PIGF: variants seen among roughly 807,000 people sequenced by gnomAD.
The protein encoded by PIGF is phosphatidylinositol glycan anchor biosynthesis class F, also known as GPI ethanolamine phosphate transferase, stabilizing subunit.
Under a neutral mutation model 26.0 loss-of-function variants are expected in PIGF, and 23 were observed. The observed-to-expected ratio is 0.88, with a 90% confidence interval of 0.64 to 1.25. PIGF has a LOEUF of 1.25. Ranked by LOEUF, PIGF falls within the 50% of genes most tolerant of loss-of-function variation. The probability of loss-of-function intolerance (pLI) is 0.00; values close to 1 mark genes in which losing one functional copy is unlikely to be tolerated. For missense variants in PIGF, 278 were observed against 249.9 expected (o/e 1.11, Z -0.76); for synonymous variants, 93 against 92.6 (o/e 1.00, Z -0.03).
Position 46,581,352 on chromosome 2 carries a change from A to ACAAT in PIGF, c.*122_*125dup. ...CAGGGGTTTCATAGTTTAAAAAGCT[A>ACAAT]CAATCACATCATGTTGTAACTACGT... is the stretch of plus-strand genomic sequence containing the variant. On this transcript the variant is annotated 3_prime_UTR_variant, in exon 6 of 6. Coordinates refer to ENST00000281382, the MANE Select transcript of PIGF (RefSeq NM_002643.4). The ACAAT allele has an allele frequency of 7.1e-7, 1 of 1,411,304 alleles. No individual in the cohort carries two copies. The highest frequency in any genetic ancestry group is 9.5e-7 in the Non-Finnish European group (1 of 1,056,920). The allele number at this position is 1,411,304 out of a possible 1,614,324, so 87.4% of individuals were successfully genotyped here.
Position 46,614,919 on chromosome 2 carries a change from T to C in PIGF, c.228+18A>G, listed in dbSNP as rs1670558705. 8.6e-7 allele frequency: 1 copy of C among 1,158,926 alleles called. No individual in the cohort carries two copies. The highest frequency in any genetic ancestry group is 1.3e-6 in the Non-Finnish European group (1 of 770,188). The allele number at this position is 1,158,926 out of a possible 1,614,324, so 71.8% of individuals were successfully genotyped here. A position where few individuals can be genotyped will look rare whatever the true frequency, so the allele number is the denominator to read the frequency against. ...ACTAGCTCCATCCAAAAATCAGTTA[T>C]TGAGACATAAGCCTTACCTTGTGTG... On this transcript the variant is annotated intron_variant, in intron 2 of 5. Coordinates refer to ENST00000281382, the MANE Select transcript of PIGF (RefSeq NM_002643.4).
intron 5 of PIGF, among the ~76,000 whole-genome samples, chr2:46,585,996 G>A (rs570310199): frequency 2.0e-5 from 3 of 152,066 alleles, no homozygotes; most frequent in Non-Finnish European, 4.4e-5. Context: ...GGATGGTCTC[G>A]ATCTCCTGAC....
At position 46,593,051 on chromosome 2, in the gene PIGF, C is replaced by A. The variant is rs2104081332; in HGVS notation, c.438-468G>T. 2.0e-5 allele frequency among the ~76,000 whole-genome samples: 3 copies of A among 152,036 alleles called. 1 individual carries two copies. In the South Asian group the frequency reaches 6.2e-4, roughly 32 times the overall value. On this transcript the variant is annotated intron_variant, in intron 4 of 5. Coordinates refer to ENST00000281382, the MANE Select transcript of PIGF (RefSeq NM_002643.4). ...AACTCAGATGCATCATGTTATAAAC[C>A]AAGTTTTGCTTGTTTTTCCTTGTTA...
chr2:46,607,051 A>T (rs892430884), intron 4 of PIGF, among the ~76,000 whole-genome samples: 2 of 152,236 alleles, frequency 1.3e-5, no homozygotes, highest in Non-Finnish European at 2.9e-5. Flanking sequence ...AGGATAGGCA[A>T]ATCTATAGAG....
chr2:46,604,021 C>T (rs12988547), intron 4 of PIGF, among the ~76,000 whole-genome samples: 255 of 151,762 alleles, frequency 1.7e-3, no homozygotes, highest in African/African-American at 5.8e-3. Context: ...GGAAAAAAAA[C>T]CCCTAATAAT....
At chr2:46,587,006 G>A (rs1218133978) in intron 5 of PIGF, among the ~76,000 whole-genome samples, 4 of 152,186 alleles carry the variant, frequency 2.6e-5, no homozygotes, top group Admixed American at 6.5e-5. Flanking sequence ...TCGTGCAAAC[G>A]AGTTAACTTG....
Position 46,613,696 on chromosome 2 carries a change from T to C in PIGF, c.318A>G (p.Ile106Met). 2 of 1,529,560 alleles carry C rather than the reference T, an allele frequency of 1.3e-6. No individual in the cohort carries two copies. The highest frequency in any genetic ancestry group is 1.4e-5 in the African/African-American group (1 of 71,832). The allele number at this position is 1,529,560 out of a possible 1,614,324, so 94.7% of individuals were successfully genotyped here. A position where few individuals can be genotyped will look rare whatever the true frequency, so the allele number is the denominator to read the frequency against. ...VIFVLYGAPL[I>M]ELALETFLFA... The stretch of plus-strand genomic sequence containing the variant: ...TAGGGTAAAAATTTCAAACTTACTC[T>C]ATCAGTGGTGCTCCATACAGAACAA... The change falls in exon 3 of 6, where the codon ATA becomes ATG. Residue 106 changes from isoleucine to methionine, a missense_variant and splice_region_variant. By Grantham distance (10) the Ile-to-Met change is conservative. Coordinates refer to ENST00000281382, the MANE Select transcript of PIGF (RefSeq NM_002643.4).
intron 4 of PIGF, among the ~76,000 whole-genome samples, chr2:46,593,254 T>A (rs1669780543): frequency 6.6e-6 from 1 of 151,106 alleles, no homozygotes; most frequent in African/African-American, 2.4e-5. Flanking sequence ...TGCCTCAGAC[T>A]CCTGAGTAGC....
chr2:46,614,072 T>C (rs1222136527), intron 2 of PIGF: 1 of 240,546 alleles, frequency 4.2e-6, no homozygotes, highest in Non-Finnish European at 8.0e-6. Flanking sequence ...AGCTATGTCA[T>C]TAATCAATAT....
chr2:46,606,272 A>T (rs550288480), intron 4 of PIGF, among the ~76,000 whole-genome samples: 1 of 152,322 alleles, frequency 6.6e-6, no homozygotes, highest in African/African-American at 2.4e-5. Flanking sequence ...AAGAGACAAC[A>T]GGTTTTATCA....
intron 4 of PIGF, among the ~76,000 whole-genome samples, chr2:46,595,186 G>C (rs1669845959): frequency 1.3e-5 from 2 of 152,102 alleles, no homozygotes; most frequent in African/African-American, 2.4e-5. Flanking sequence ...TATTCACAGA[G>C]TCGTGCAGCC....
chr2:46,605,668 G>C (rs1670198090), intron 4 of PIGF, among the ~76,000 whole-genome samples: 1 of 152,084 alleles, frequency 6.6e-6, no homozygotes, highest in African/African-American at 2.4e-5. Flanking sequence ...AGTAAAAACA[G>C]GGCAAGAACC....
At position 46,613,751 on chromosome 2, in the gene PIGF, A is replaced by G. The variant is rs778221273; in HGVS notation, c.263T>C (p.Leu88Pro). Reference sequence around the variant, plus strand: ...TACATGAAAGGAGAAACAAGACATAAGAAAGTAGATACAGCATTTCAAAAA... The same window carrying G: ...TACATGAAAGGAGAAACAAGACATAGGAAAGTAGATACAGCATTTCAAAAA... ...TGFLKCCIYF[L>P]MSCFSFHVIF... The change falls in exon 3 of 6, where the codon CTT becomes CCT. Residue 88 changes from leucine (L) to proline (P), a missense_variant. By Grantham distance (98) the Leu-to-Pro change is moderately conservative. Coordinates refer to ENST00000281382, the MANE Select transcript of PIGF (RefSeq NM_002643.4). The G allele has an allele frequency of 1.9e-5, 30 of 1,553,700 alleles. No individual in the cohort carries two copies. The highest frequency in any genetic ancestry group is 2.7e-5 in the African/African-American group (2 of 73,534).
chr2:46,590,843 T>C (rs1342427378), intron 5 of PIGF, among the ~76,000 whole-genome samples: 1 of 152,156 alleles, frequency 6.6e-6, no homozygotes, highest in Non-Finnish European at 1.5e-5. Context: ...AATATAGTGA[T>C]GAAGAGTTAA....
In PIGF at chr2:46,612,251, C is replaced by A; in HGVS notation, c.414G>T (p.Trp138Cys). 2 of 1,353,104 alleles carry A rather than the reference C, an allele frequency of 1.5e-6. No homozygotes were observed. Among genetic ancestry groups the A allele is most frequent in the Non-Finnish European group, 9.9e-7 (1 of 1,012,722 alleles). 83.8% of individuals were successfully genotyped at this position (1,353,104 alleles called of 1,614,324 possible). ...ACCCATTTCTACTGAACACTCTTAGCCATGCTTTGAGGTTTGGTCCTAACA... is the reference window on the plus strand; with the variant it reads ...ACCCATTTCTACTGAACACTCTTAGACATGCTTTGAGGTTTGGTCCTAACA... ...LCLLGPNLKA[W>C]LRVFSRNGVT... Residue 138 changes from tryptophan to cysteine, a missense_variant, in exon 4 of 6, where the codon TGG (tryptophan) becomes TGT (cysteine). Coordinates refer to ENST00000281382, the MANE Select transcript of PIGF (RefSeq NM_002643.4).
chr2:46,607,155 T>C (rs765129801), intron 4 of PIGF, among the ~76,000 whole-genome samples: 3 of 152,202 alleles, frequency 2.0e-5, no homozygotes, highest in Admixed American at 6.5e-5. Flanking sequence ...CAATACTGTT[T>C]TAAAAAATAA....
At chr2:46,614,692 T>A (rs773851637) in intron 2 of PIGF, 5 of 347,820 alleles carry the variant, frequency 1.4e-5, no homozygotes, top group African/African-American at 2.1e-5. Flanking sequence ...AATGACTATA[T>A]AGGCTCACAA....
At chr2:46,605,585 A>G (rs916979238) in intron 4 of PIGF, among the ~76,000 whole-genome samples, 1 of 152,152 alleles carries the variant, frequency 6.6e-6, no homozygotes. Flanking sequence ...TGCAAAGTAC[A>G]TATTAGTTTT....
chr2:46,588,037 T>A lies in PIGF; in HGVS notation c.546+4438A>T. ...GATGTGTACTCCTCCCCTCTCACAC[T>A]TGGACTTTCTAGTGTATAAAATGGG... On this transcript the variant is annotated intron_variant, in intron 5 of 5. Transcript: ENST00000281382. This position sits in a 1 kb window ranked among gnomAD's most constrained non-coding sequence, Gnocchi z 4.1. 1 of 1,498,718 alleles carries A rather than the reference T, an allele frequency of 6.7e-7. No individual in the cohort carries two copies. The highest frequency in any genetic ancestry group is 8.9e-7 in the Non-Finnish European group (1 of 1,122,812). The allele number at this position is 1,498,718 out of a possible 1,614,324, so 92.8% of individuals were successfully genotyped here. A position where few individuals can be genotyped will look rare whatever the true frequency, so the allele number is the denominator to read the frequency against.
Sources: gnomAD v4.1 joint callset for allele counts (sites outside exome capture counted in the v4.1 genomes callset) on GRCh38, gnomAD v4.1.1 for gene constraint, Gnocchi (gnomAD v3.1) non-coding constraint, MANE v1.5 for transcripts, NCBI Gene and HGNC (gene_info 2026-07-23, HGNC 2026-07-21) for gene names.